CAST: variants seen among roughly 807,000 people sequenced by gnomAD.
CAST encodes the protein calpastatin, also known as MIR583 host.
Under a neutral mutation model 119.6 loss-of-function variants are expected in CAST, and 76 were observed. That is an observed-to-expected ratio of 0.64 (90% CI 0.53 to 0.77). The LOEUF is 0.77. CAST is among the 30% of genes least tolerant of loss of function. CAST has a pLI of 0.00. For synonymous variants in CAST, 319 were observed against 331.6 expected (o/e 0.96, Z 0.41); for missense variants, 953 against 946.5 (o/e 1.01, Z -0.09).
rs1043255227 is a variant in CAST, at chr5:96,757,304, A to C, written c.1711-140A>C. ...TTAGAGCATATTCTCTGGTGAGAGA[A>C]TCCTTCGTGACATGATGGATCTAAT... On this transcript the variant is annotated intron_variant, in intron 22 of 31. Transcript: ENST00000675179. The C allele has an allele frequency of 1.0e-5, 8 of 802,884 alleles. No individual in the cohort carries two copies. In the African/African-American group the frequency reaches 1.2e-4, roughly 12 times the overall value. 49.7% of individuals were successfully genotyped at this position (802,884 alleles called of 1,614,324 possible). A position where few individuals can be genotyped will look rare whatever the true frequency, so the allele number is the denominator to read the frequency against.
upstream of CAST, among the ~76,000 whole-genome samples, chr5:96,528,597 TC>T: frequency 6.6e-6 from 1 of 152,176 alleles, no homozygotes; most frequent in Non-Finnish European, 1.5e-5. Context: ...GCAGTTGCTT[TC>T]CCTTGGATGT....
At chr5:95,992,460 A>G in the CAST span, among the ~76,000 whole-genome samples, 1 of 151,768 alleles carries the variant, frequency 6.6e-6, no homozygotes, top group Non-Finnish European at 1.5e-5. Flanking sequence ...TGAGAAAAAC[A>G]TCAGATAAAC....
At chr5:96,077,131 A>G in the CAST span, among the ~76,000 whole-genome samples, 16 of 152,070 alleles carry the variant, frequency 1.1e-4, no homozygotes, top group Admixed American at 1.3e-4. Flanking sequence ...CTTAGCCTTC[A>G]ACTTTATTAA....
chr5:96,328,152 C>T, the CAST span, among the ~76,000 whole-genome samples: 1 of 152,118 alleles, frequency 6.6e-6, no homozygotes, highest in African/African-American at 2.4e-5. Flanking sequence ...GATTAAAGAT[C>T]CCAGGTACTA....
At chr5:96,464,281 T>C in the CAST span, among the ~76,000 whole-genome samples, 1 of 152,074 alleles carries the variant, frequency 6.6e-6, no homozygotes, top group African/African-American at 2.4e-5. Context: ...AAACTGTTTT[T>C]CTATGTTATT....
the CAST span, among the ~76,000 whole-genome samples, chr5:96,454,953 A>G: frequency 1.3e-5 from 2 of 152,260 alleles, no homozygotes; most frequent in African/African-American, 4.8e-5. Flanking sequence ...TTTTATTGGC[A>G]TTTCTATTTA....
chr5:96,561,953 C>T (rs1311903213), intron 1 of CAST, among the ~76,000 whole-genome samples: 13 of 148,340 alleles, frequency 8.8e-5, no homozygotes, highest in African/African-American at 2.7e-4. Flanking sequence ...CTACCACGCC[C>T]GGCTAATTTT....
At chr5:96,416,598 C>A in the CAST span, among the ~76,000 whole-genome samples, 10 of 152,140 alleles carry the variant, frequency 6.6e-5, no homozygotes. Context: ...CCTTGATCAG[C>A]CTTAGTAGGA....
At chr5:96,049,433 A>AAAAT in the CAST span, among the ~76,000 whole-genome samples, 1 of 152,322 alleles carries the variant, frequency 6.6e-6, no homozygotes, top group Non-Finnish European at 1.5e-5. Context: ...TGATGAAAGG[A>AAAAT]GTCTGAATTA....
At chr5:96,366,383 A>G in the CAST span, among the ~76,000 whole-genome samples, 46 of 152,284 alleles carry the variant, frequency 3.0e-4, 1 homozygote, top group East Asian at 5.6e-3. Flanking sequence ...CTGCCTTGCT[A>G]GGTTGGGGAA....
chr5:96,681,539 C>T (rs1359192471), intron 2 of CAST, among the ~76,000 whole-genome samples: 2 of 151,526 alleles, frequency 1.3e-5, no homozygotes. Flanking sequence ...CGAGACCATC[C>T]CGGCTAAAAC....
At chr5:96,486,805 A>C in the CAST span, among the ~76,000 whole-genome samples, 1 of 152,134 alleles carries the variant, frequency 6.6e-6, no homozygotes, top group African/African-American at 2.4e-5. Flanking sequence ...CATGTACTCT[A>C]TCCTGATCCC....
intron 1 of CAST, among the ~76,000 whole-genome samples, chr5:96,578,173 ATG>A (rs1746706694): frequency 6.6e-6 from 1 of 152,048 alleles, no homozygotes; most frequent in Non-Finnish European, 1.5e-5. Flanking sequence ...TCATTATGTA[ATG>A]TCTCTCTTTG....
intron 1 of CAST, among the ~76,000 whole-genome samples, chr5:96,656,557 C>T (rs904220797): frequency 1.3e-5 from 2 of 152,210 alleles, no homozygotes; most frequent in African/African-American, 4.8e-5. Context: ...CCCAGGTCTA[C>T]ATGCTTCACG....
At chr5:96,143,724 G>A in the CAST span, among the ~76,000 whole-genome samples, 1 of 152,108 alleles carries the variant, frequency 6.6e-6, no homozygotes. Flanking sequence ...ATTTGGACAA[G>A]CTTGTAAAAA....
chr5:96,262,188 G>A, the CAST span, among the ~76,000 whole-genome samples: 2 of 152,176 alleles, frequency 1.3e-5, no homozygotes, highest in African/African-American at 4.8e-5. Context: ...TTACTGTATA[G>A]TAAAAGTAGA....
chr5:96,498,901 A>G, the CAST span, among the ~76,000 whole-genome samples: 1 of 152,156 alleles, frequency 6.6e-6, no homozygotes, highest in Non-Finnish European at 1.5e-5. Context: ...ACTCAAGACC[A>G]CTATGGAGGA....
At chr5:96,244,460 G>A in the CAST span, among the ~76,000 whole-genome samples, 1 of 152,130 alleles carries the variant, frequency 6.6e-6, no homozygotes. Flanking sequence ...GTTGGAAAAT[G>A]AAAAATTATG....
At chr5:96,257,340 C>T in the CAST span, among the ~76,000 whole-genome samples, 4 of 152,096 alleles carry the variant, frequency 2.6e-5, no homozygotes, top group Admixed American at 1.3e-4. Context: ...GGGTTCTGAT[C>T]AAATGCATTA....
Sources: allele counts gnomAD v4.1 joint callset (sites outside exome capture counted in the v4.1 genomes callset), GRCh38; gene constraint gnomAD v4.1.1; transcripts MANE v1.5; gene names NCBI Gene and HGNC (gene_info 2026-07-23, HGNC 2026-07-21).